The following SCG5 variants were observed in gnomAD, a reference collection of about 807,000 sequenced individuals.
SCG5 encodes the protein neuroendocrine protein 7B2.
In SCG5, 18 loss-of-function variants were observed where a neutral mutation model predicts 25.7. The ratio of observed to expected loss-of-function variants is 0.70; its 90% CI spans 0.48 to 1.04. The LOEUF (loss-of-function observed/expected upper bound fraction) is 1.04. Ranked by LOEUF, SCG5 falls within the 50% of genes least tolerant of loss-of-function variation. SCG5 has a pLI of 0.00. For synonymous variants in SCG5, 101 were observed against 91.7 expected, an observed-to-expected ratio of 1.10 and a Z score of -0.58; for missense variants, 206 against 259.8, an observed-to-expected ratio of 0.79 and a Z score of 1.42.
intron 2 of SCG5, among the ~76,000 whole-genome samples, chr15:32,668,677 T>C (rs2054364028): frequency 6.6e-6 from 1 of 152,118 alleles, no homozygotes; most frequent in Non-Finnish European, 1.5e-5. Context: ...GTGACCTGCT[T>C]CCTCTGTGAA....
chr15:32,642,448 A>T (rs2053879906), intron 1 of SCG5, among the ~76,000 whole-genome samples: 1 of 151,494 alleles, frequency 6.6e-6, no homozygotes, highest in African/African-American at 2.4e-5. Context: ...GGCGCCTGTA[A>T]TTCCAGCTAC....
intron 2 of SCG5, among the ~76,000 whole-genome samples, chr15:32,654,257 T>C (rs1314944299): frequency 1.3e-5 from 2 of 152,152 alleles, no homozygotes; most frequent in Non-Finnish European, 2.9e-5. Flanking sequence ...AAAACCAAGG[T>C]GCTGGCAGAT....
At position 32,691,629 on chromosome 15, in the gene SCG5, C is replaced by T; in HGVS notation, c.490-81C>T. 7.4e-6 allele frequency: 8 copies of T among 1,080,188 alleles called. No individual in the cohort carries two copies. The South Asian group carries it at 1.1e-4, about 15-fold the overall frequency. The allele number at this position is 1,080,188 out of a possible 1,614,324, so 66.9% of individuals were successfully genotyped here. A position where few individuals can be genotyped will look rare whatever the true frequency, so the allele number is the denominator to read the frequency against. ...GTATGCAAATATCTAGGGGACACAC[C>T]AAGTATTGCTTTTAAAATAGACATT... is the stretch of plus-strand genomic sequence containing the variant. On this transcript the variant is annotated intron_variant, in intron 4 of 5. Coordinates refer to ENST00000300175, the MANE Select transcript of SCG5 (RefSeq NM_001144757.3).
intron 5 of SCG5, among the ~76,000 whole-genome samples, chr15:32,692,569 T>C (rs1235164012): frequency 6.6e-6 from 1 of 152,212 alleles, no homozygotes; most frequent in Non-Finnish European, 1.5e-5. Flanking sequence ...CTTCTTTATC[T>C]GATCAGATGA....
intron 2 of SCG5, among the ~76,000 whole-genome samples, chr15:32,649,206 G>A (rs2053996263): frequency 6.6e-6 from 1 of 152,186 alleles, no homozygotes; most frequent in South Asian, 2.1e-4. Context: ...TAAGCATTCA[G>A]TAAATATTTG....
At chr15:32,654,949 A>G (rs981494256) in intron 2 of SCG5, among the ~76,000 whole-genome samples, 3 of 152,210 alleles carry the variant, frequency 2.0e-5, no homozygotes, top group South Asian at 2.1e-4. Context: ...GTAATAACCT[A>G]AAAGTCACCG....
intron 2 of SCG5, among the ~76,000 whole-genome samples, chr15:32,672,345 G>A (rs1174778017): frequency 2.6e-5 from 4 of 152,266 alleles, no homozygotes; most frequent in Non-Finnish European, 5.9e-5. Context: ...GGCAGCGTGA[G>A]GGGTGCGAAT....
chr15:32,644,299 C>T (rs2053910795), intron 2 of SCG5, among the ~76,000 whole-genome samples: 1 of 152,140 alleles, frequency 6.6e-6, no homozygotes, highest in South Asian at 2.1e-4. Context: ...AATGTAGAAC[C>T]TACAGGATCT....
intron 2 of SCG5, chr15:32,666,637 G>A (rs2054322332): frequency 6.6e-6 from 1 of 152,220 alleles, no homozygotes; most frequent in African/African-American, 2.4e-5. Flanking sequence ...GACCACATAT[G>A]TTTTTAAGTA....
At chr15:32,661,814 A>G (rs2054224367) in intron 2 of SCG5, among the ~76,000 whole-genome samples, 1 of 152,106 alleles carries the variant, frequency 6.6e-6, no homozygotes, top group South Asian at 2.1e-4. Flanking sequence ...TTTTCTTATG[A>G]AGATAATAAA....
intron 2 of SCG5, among the ~76,000 whole-genome samples, chr15:32,655,074 C>T (rs987823717): frequency 6.6e-6 from 1 of 151,952 alleles, no homozygotes; most frequent in Non-Finnish European, 1.5e-5. Context: ...TTTGGGAGGC[C>T]GAGGCGGGCG....
chr15:32,693,301 C>G (rs1186219316), intron 5 of SCG5, among the ~76,000 whole-genome samples: 5 of 152,194 alleles, frequency 3.3e-5, no homozygotes, highest in African/African-American at 1.2e-4. Flanking sequence ...TACCAAAACT[C>G]AGAATGCTGG....
At chr15:32,649,557 T>G (rs2054000470) in intron 2 of SCG5, among the ~76,000 whole-genome samples, 1 of 152,180 alleles carries the variant, frequency 6.6e-6, no homozygotes, top group Non-Finnish European at 1.5e-5. Flanking sequence ...GAAGTTTATT[T>G]TGGAAGATTC....
chr15:32,655,713 A>G (rs1254757202), intron 2 of SCG5, among the ~76,000 whole-genome samples: 2 of 152,190 alleles, frequency 1.3e-5, no homozygotes. Flanking sequence ...TGCCCTTATG[A>G]AAGAGGCCAG....
intron 2 of SCG5, among the ~76,000 whole-genome samples, chr15:32,670,016 A>T (rs1438804386): frequency 6.6e-6 from 1 of 152,240 alleles, no homozygotes; most frequent in Non-Finnish European, 1.5e-5. Flanking sequence ...TGAAAGCTAC[A>T]AATGCAGTGC....
chr15:32,651,063 G>T (rs952002369), intron 2 of SCG5, among the ~76,000 whole-genome samples: 2 of 152,100 alleles, frequency 1.3e-5, no homozygotes, highest in Non-Finnish European at 2.9e-5. Context: ...GCTGGGCATG[G>T]TGGCACGTGC....
At chr15:32,684,381 G>C in intron 3 of SCG5, 176 bp from the exon 4 acceptor site, 1 of 586,610 alleles carries the variant, frequency 1.7e-6, no homozygotes, top group Non-Finnish European at 3.0e-6. Context: ...GTGGGAGTTT[G>C]AGATGAGTAA....
intron 2 of SCG5, among the ~76,000 whole-genome samples, chr15:32,662,811 G>A (rs2054242145): frequency 1.3e-5 from 2 of 150,428 alleles, no homozygotes; most frequent in Admixed American, 6.7e-5. Context: ...GCCACCAGGT[G>A]GTGCCATCTG....
intron 3 of SCG5, among the ~76,000 whole-genome samples, chr15:32,681,642 G>A (rs187787340): frequency 6.6e-6 from 1 of 151,942 alleles, no homozygotes; most frequent in African/African-American, 2.4e-5. Context: ...TAGAGGTGGG[G>A]TCTCATTATG....
Sources: allele counts gnomAD v4.1 joint callset (sites outside exome capture counted in the v4.1 genomes callset), GRCh38; gene constraint gnomAD v4.1.1; transcripts MANE v1.5; gene names NCBI Gene and HGNC (gene_info 2026-07-23, HGNC 2026-07-21).